Variants in PTPRT observed in about 807,000 individuals in gnomAD.
PTPRT encodes the protein receptor-type tyrosine-protein phosphatase T.
A neutral mutation model predicts 176.8 loss-of-function variants in PTPRT; 56 were observed. That is an observed-to-expected ratio of 0.32 (90% confidence interval 0.26 to 0.40). The LOEUF (loss-of-function observed/expected upper bound fraction) is 0.40. Among genes scored for constraint, PTPRT ranks in the 10% least tolerant of loss-of-function variants. The pLI, the probability that PTPRT is intolerant of heterozygous loss-of-function variation, is 1.00. For missense variants in PTPRT, 1,540 were observed against 1,908.2 expected, an observed-to-expected ratio of 0.81 and a Z score of 3.60; for synonymous variants, 783 against 739.0, an observed-to-expected ratio of 1.06 and a Z score of -0.96.
chr20:42,864,452 CAAG>C (rs2078712264), intron 2 of PTPRT, among the ~76,000 whole-genome samples: 1 of 152,178 alleles, frequency 6.6e-6, no homozygotes, highest in Non-Finnish European at 1.5e-5. Flanking sequence ...TGAGACAGGA[CAAG>C]AAGAAGCTGC....
rs575630683 is a variant in PTPRT, at chr20:42,359,406, A to T, written c.1561-7121T>A. On this transcript the variant is annotated intron_variant, in intron 9 of 30. Transcript: ENST00000373187. ...GAATGAGGTCCCTAGAAATGTAAGAATGAGACGGAGCCAACACATGGCCCC... is the reference window on the plus strand; with the variant it reads ...GAATGAGGTCCCTAGAAATGTAAGATTGAGACGGAGCCAACACATGGCCCC... Among the ~76,000 whole-genome samples the T allele has an allele frequency of 2.6e-5, 4 of 152,312 alleles. No homozygotes were observed. In the South Asian group the frequency reaches 6.2e-4, roughly 24 times the overall value.
At chr20:42,543,087 G>A (rs1377925625) in intron 7 of PTPRT, among the ~76,000 whole-genome samples, 1 of 152,194 alleles carries the variant, frequency 6.6e-6, no homozygotes, top group Non-Finnish European at 1.5e-5. Context: ...GCTGGTTGCT[G>A]AATGTTGGAG....
intron 2 of PTPRT, among the ~76,000 whole-genome samples, chr20:42,837,210 G>C (rs1476805543): frequency 6.6e-6 from 1 of 152,180 alleles, no homozygotes; most frequent in Non-Finnish European, 1.5e-5. Flanking sequence ...GCAGCCACTG[G>C]AGCCCACAGA....
At chr20:42,669,005 G>A (rs1012801558) in intron 7 of PTPRT, among the ~76,000 whole-genome samples, 2 of 151,454 alleles carry the variant, frequency 1.3e-5, no homozygotes, top group Admixed American at 6.6e-5. Context: ...TCACCACGCC[G>A]TGCCCAGATA....
At chr20:42,484,206 A>AT (rs1186535065) in intron 7 of PTPRT, among the ~76,000 whole-genome samples, 8 of 151,556 alleles carry the variant, frequency 5.3e-5, no homozygotes, top group South Asian at 4.2e-4. Context: ...TGTTTTGGTA[A>AT]TTTTTTTTTC....
chr20:42,573,577 T>G (rs1280630533), intron 7 of PTPRT, among the ~76,000 whole-genome samples: 4 of 152,120 alleles, frequency 2.6e-5, no homozygotes, highest in Non-Finnish European at 5.9e-5. Context: ...GACTACCCCA[T>G]GATCTAAGTT....
chr20:42,765,147 G>A (rs1376545701), intron 5 of PTPRT, among the ~76,000 whole-genome samples: 6 of 152,188 alleles, frequency 3.9e-5, no homozygotes, highest in African/African-American at 1.4e-4. Context: ...TCTGCACAGG[G>A]CGTTTGGACA....
At chr20:43,091,843 G>A (rs899380772) in intron 1 of PTPRT, among the ~76,000 whole-genome samples, 5 of 152,052 alleles carry the variant, frequency 3.3e-5, no homozygotes, top group South Asian at 2.1e-4. Flanking sequence ...TTCATGATTC[G>A]GTGAAGAAGA....
chr20:43,145,513 T>C (rs2014144020), intron 1 of PTPRT, among the ~76,000 whole-genome samples: 1 of 152,254 alleles, frequency 6.6e-6, no homozygotes, highest in Non-Finnish European at 1.5e-5. Context: ...TTACATACTG[T>C]TAAACCATCT....
At chr20:42,871,697 T>C (rs1330337352) in intron 2 of PTPRT, among the ~76,000 whole-genome samples, 2 of 152,216 alleles carry the variant, frequency 1.3e-5, no homozygotes, top group Admixed American at 6.5e-5. Flanking sequence ...GGATATTCAA[T>C]TTACTAAATG....
At chr20:42,650,915 AG>A (rs2075018082) in intron 7 of PTPRT, among the ~76,000 whole-genome samples, 1 of 152,108 alleles carries the variant, frequency 6.6e-6, no homozygotes, top group Non-Finnish European at 1.5e-5. Context: ...AAGAAACCCC[AG>A]CAATACCTGA....
chr20:42,243,834 G>A (rs942337124), intron 14 of PTPRT, among the ~76,000 whole-genome samples: 2 of 152,150 alleles, frequency 1.3e-5, no homozygotes, highest in African/African-American at 2.4e-5. Context: ...TTTCAAACAA[G>A]CAACAGACCT....
chr20:43,008,690 C>CA (rs1211860934), intron 1 of PTPRT, among the ~76,000 whole-genome samples: 1 of 151,884 alleles, frequency 6.6e-6, no homozygotes, highest in Non-Finnish European at 1.5e-5. Context: ...GACTCCATCT[C>CA]AAAAAACAAA....
intron 7 of PTPRT, among the ~76,000 whole-genome samples, chr20:42,475,956 G>A (rs934348457): frequency 1.3e-5 from 2 of 152,140 alleles, no homozygotes; most frequent in African/African-American, 4.8e-5. Context: ...GGCGGGCCCC[G>A]GGTACAGTGC....
chr20:42,586,393 C>T (rs1480727999), intron 7 of PTPRT, among the ~76,000 whole-genome samples: 2 of 152,152 alleles, frequency 1.3e-5, no homozygotes, highest in African/African-American at 4.8e-5. Flanking sequence ...AAACTAATGA[C>T]AGCAAGCAGT....
chr20:42,966,444 C>T (rs369354735), intron 1 of PTPRT: 94 of 152,292 alleles, frequency 6.2e-4, no homozygotes, highest in African/African-American at 2.1e-3. Context: ...GATCTCAATA[C>T]ACTATGTCAC....
At chr20:43,167,987 A>G (rs2014899166) in intron 1 of PTPRT, among the ~76,000 whole-genome samples, 1 of 152,250 alleles carries the variant, frequency 6.6e-6, no homozygotes, top group Non-Finnish European at 1.5e-5. Context: ...ACTGTGAGAC[A>G]ATAAATGTGT....
intron 17 of PTPRT, among the ~76,000 whole-genome samples, chr20:42,146,431 T>A (rs1181580572): frequency 6.6e-6 from 1 of 152,198 alleles, no homozygotes; most frequent in African/African-American, 2.4e-5. Context: ...GTGCCAGGGT[T>A]TGGGTTACCA....
In PTPRT at chr20:42,678,074, G is replaced by A. The variant is rs747556867; in HGVS notation, c.945C>T (p.Ile315=). Residue 315 remains isoleucine, a synonymous_variant, in exon 7 of 31, where the codon ATC becomes ATT. Transcript: ENST00000373187. The stretch of plus-strand genomic sequence containing the variant: ...CCTTCAGGATGATGGGGCCATCCCC[G>A]ATGATGGAGTTGGCATTTGGCTTGA... The part of the protein sequence containing the change: ...LWIKPNANSI[I]GDGPIILKEV... 1.7e-5 allele frequency: 28 copies of A among 1,614,044 alleles called. No individual in the cohort carries two copies. The highest frequency in any genetic ancestry group is 2.0e-5 in the Non-Finnish European group (24 of 1,180,028).
Sources: gnomAD v4.1 joint callset for allele counts (sites outside exome capture counted in the v4.1 genomes callset) on GRCh38, gnomAD v4.1.1 for gene constraint, MANE v1.5 for transcripts, NCBI Gene and HGNC (gene_info 2026-07-23, HGNC 2026-07-21) for gene names.